DMRTC2: variants seen among roughly 807,000 people sequenced by gnomAD.
DMRTC2 encodes the protein doublesex- and mab-3-related transcription factor C2.
Under a neutral mutation model 39.9 loss-of-function variants are expected in DMRTC2, and 13 were observed. The observed-to-expected ratio is 0.33, with a 90% CI of 0.21 to 0.52. DMRTC2 has a LOEUF of 0.52. Among genes scored for constraint, DMRTC2 ranks in the 20% least tolerant of loss-of-function variants. The pLI is 0.96. For synonymous variants in DMRTC2, 189 were observed against 185.2 expected, an observed-to-expected ratio of 1.02 and a Z score of -0.17; for missense variants, 431 against 472.8, an observed-to-expected ratio of 0.91 and a Z score of 0.82.
chr19:41,852,004 C>T lies in DMRTC2; in HGVS notation c.*308C>T, dbSNP rs782716183. On this transcript the variant is annotated 3_prime_UTR_variant, in exon 9 of 9. Coordinates refer to ENST00000269945, the MANE Select transcript of DMRTC2 (RefSeq NM_001040283.3). Reference sequence around the variant, plus strand: ...ATTTAAGCTGACCAGTATCTATAAACGTGTTTGCATGAGTTTACATCCCAG... The same window carrying T: ...ATTTAAGCTGACCAGTATCTATAAATGTGTTTGCATGAGTTTACATCCCAG... 1.6e-5 allele frequency: 5 copies of T among 303,752 alleles called. No individual in the cohort carries two copies. Among genetic ancestry groups the T allele is most frequent in the Non-Finnish European group, 3.1e-5 (5 of 162,500 alleles). 18.8% of individuals were successfully genotyped at this position (303,752 alleles called of 1,614,324 possible).
Position 41,851,760 on chromosome 19 carries a change from T to G in DMRTC2, c.*64T>G, listed in dbSNP as rs1270598995. The G allele has an allele frequency of 5.1e-6, 7 of 1,385,378 alleles. No homozygotes were observed. Among genetic ancestry groups the G allele is most frequent in the Non-Finnish European group, 6.1e-6 (6 of 978,096 alleles). 85.8% of individuals were successfully genotyped at this position (1,385,378 alleles called of 1,614,324 possible). A position where few individuals can be genotyped will look rare whatever the true frequency, so the allele number is the denominator to read the frequency against. On this transcript the variant is annotated 3_prime_UTR_variant, in exon 9 of 9. Coordinates refer to ENST00000269945, the MANE Select transcript of DMRTC2 (RefSeq NM_001040283.3). ...GTGACAGCCTGCTGGCACTGTATAT[T>G]TAGTGTCTTACTTAAGGATTTATGC...
At position 41,848,978 on chromosome 19, in the gene DMRTC2, A is replaced by G. The variant is rs1283139688; in HGVS notation, c.628+3A>G. On this transcript the variant is annotated splice_donor_region_variant and intron_variant, in intron 5 of 8. Transcript: ENST00000269945. ...TGTCTCTCTGCCTCCCTTCCCTGGT[A>G]AGATGATAATTCAACATTCATTCAA... 6.2e-7 allele frequency: 1 copy of G among 1,614,076 alleles called. No homozygotes were observed. The highest frequency in any genetic ancestry group is 2.2e-5 in the East Asian group (1 of 44,884).
In DMRTC2 at chr19:41,849,181, C is replaced by T. The variant is rs1555836782; in HGVS notation, c.680C>T (p.Thr227Ile). 2 of 1,614,222 alleles carry T rather than the reference C, an allele frequency of 1.2e-6. No individual in the cohort carries two copies. Among genetic ancestry groups the T allele is most frequent in the Non-Finnish European group, 8.5e-7 (1 of 1,180,040 alleles). The change falls in exon 6 of 9, where the codon ACC becomes ATC. Residue 227 changes from threonine (T) to isoleucine (I), a missense_variant. Transcript: ENST00000269945. Reference sequence around the variant, plus strand: ...CTGCCCACTCATGGGCCCTTCACCACCTGCCCAGGATCTCACCCAGTACTG... The same window carrying T: ...CTGCCCACTCATGGGCCCTTCACCATCTGCCCAGGATCTCACCCAGTACTG... ...LQLPTHGPFT[T>I]CPGSHPVLTA...
chr19:41,847,385 G>T, intron 1 of DMRTC2, 40 bp from the exon 2 acceptor site: 2 of 1,512,740 alleles, frequency 1.3e-6, no homozygotes, highest in Middle Eastern at 1.9e-4. Flanking sequence ...GTTAGGGGCA[G>T]GCCCACCTGG....
rs145179597 is a variant in DMRTC2, at chr19:41,848,883, G to A, written c.536G>A (p.Gly179Glu). Reference sequence around the variant, plus strand: ...GTGCCTCCTGGCCCTTGGGTCCCTGGACACTGGCTGCCTCCAGGCTTCTCC... The same window carrying A: ...GTGCCTCCTGGCCCTTGGGTCCCTGAACACTGGCTGCCTCCAGGCTTCTCC... Reference protein sequence around the residue: ...TPVPPGPWVPGHWLPPGFSMP... With the variant: ...TPVPPGPWVPEHWLPPGFSMP... The change falls in exon 5 of 9, where the codon GGA (glycine) becomes GAA (glutamate). Residue 179 changes from glycine (G) to glutamate (E), a missense_variant. Coordinates refer to ENST00000269945, the MANE Select transcript of DMRTC2 (RefSeq NM_001040283.3). 1 of 1,613,236 alleles carries A rather than the reference G, an allele frequency of 6.2e-7. No homozygotes were observed. The highest frequency in any genetic ancestry group is 8.5e-7 in the Non-Finnish European group (1 of 1,180,018).
intron 4 of DMRTC2, 35 bp downstream of exon 4, chr19:41,848,563 C>A: frequency 1.4e-6 from 2 of 1,456,768 alleles, no homozygotes; most frequent in Non-Finnish European, 1.9e-6. Flanking sequence ...AAGTGTCCCC[C>A]ACCCTAGTTC....
chr19:41,850,453 A>G, intron 7 of DMRTC2, 73 bp from the exon 8 acceptor site: 11 of 1,578,152 alleles, frequency 7.0e-6, no homozygotes, highest in Non-Finnish European at 9.5e-6. Context: ...TGAAGGAAGC[A>G]GGGGCTGAGG....
At chr19:41,851,375 C>T in intron 8 of DMRTC2, 1 of 553,864 alleles carries the variant, frequency 1.8e-6, no homozygotes, top group Non-Finnish European at 3.2e-6. Flanking sequence ...AGGACAAATT[C>T]AGAGACCCTG....
chr19:41,850,468 C>G (rs782425098), intron 7 of DMRTC2, 58 bp from the exon 8 acceptor site: 3 of 1,585,712 alleles, frequency 1.9e-6, no homozygotes, highest in Non-Finnish European at 2.6e-6. Flanking sequence ...CTGAGGAACA[C>G]TTAGAGGGTG....
At position 41,847,506 on chromosome 19, in the gene DMRTC2, G is replaced by T. The variant is rs1555836242; in HGVS notation, c.78G>T (p.Gln26His). ...SAPWDETRDPQSTELIPRRAI... is the reference protein window; with the variant it reads ...SAPWDETRDPHSTELIPRRAI... ...CCTGGGATGAGACCAGAGACCCCCA[G>T]AGCACAGAGCTGATCCCCAGGAGAG... is the stretch of plus-strand genomic sequence containing the variant. Residue 26 changes from glutamine (Q) to histidine (H), a missense_variant, in exon 2 of 9, where the codon CAG becomes CAT. Coordinates refer to ENST00000269945, the MANE Select transcript of DMRTC2 (RefSeq NM_001040283.3). 2 of 1,613,910 alleles carry T rather than the reference G, an allele frequency of 1.2e-6. No homozygotes were observed. The highest frequency in any genetic ancestry group is 1.7e-6 in the Non-Finnish European group (2 of 1,179,916).
intron 1 of DMRTC2, among the ~76,000 whole-genome samples, chr19:41,846,799 C>A (rs1403919773): frequency 6.6e-6 from 1 of 151,862 alleles, no homozygotes; most frequent in East Asian, 2.0e-4. Context: ...GATCTCCTGA[C>A]CTTGTGATCC....
intron 3 of DMRTC2, 138 bp downstream of exon 3, chr19:41,848,019 A>G: frequency 1.6e-6 from 2 of 1,266,204 alleles, no homozygotes; most frequent in Non-Finnish European, 2.1e-6. Flanking sequence ...CAGCTGTCCC[A>G]GCGTTGAGAG....
chr19:41,847,290 G>A, intron 1 of DMRTC2, 135 bp from the exon 2 acceptor site: 1 of 1,359,704 alleles, frequency 7.4e-7, no homozygotes, highest in South Asian at 2.1e-5. Context: ...AGGGGAGAAA[G>A]CTGGGAAAGA....
chr19:41,849,585 A>G (rs1365251691), intron 6 of DMRTC2, among the ~76,000 whole-genome samples: 2 of 152,194 alleles, frequency 1.3e-5, no homozygotes, highest in African/African-American at 4.8e-5. Flanking sequence ...TTGATGGGGT[A>G]AGATTGCCTG....
rs868958263 is a variant in DMRTC2 at position 41,851,661 on chromosome 19, A to G, written c.1069A>G (p.Ile357Val). ...CCCAGCCCCCTCTGTTGCTCTGCAT[A>G]TTGGCCGTCTGGGGTCCATCTCCCT... ...PSPAPSVALHIGRLGSISLLS is the reference protein window; with the variant it reads ...PSPAPSVALHVGRLGSISLLS The change falls in exon 9 of 9, where the codon ATT (isoleucine) becomes GTT (valine). Residue 357 changes from isoleucine (I) to valine (V), a missense_variant. By Grantham distance (29) the Ile-to-Val change is conservative (BLOSUM62 3). Coordinates refer to ENST00000269945, the MANE Select transcript of DMRTC2 (RefSeq NM_001040283.3). 1 of 1,614,108 alleles carries G rather than the reference A, an allele frequency of 6.2e-7. No homozygotes were observed. The highest frequency in any genetic ancestry group is 8.5e-7 in the Non-Finnish European group (1 of 1,180,032).
intron 3 of DMRTC2, among the ~76,000 whole-genome samples, 188 bp downstream of exon 3, chr19:41,848,069 C>T (rs1208572344): frequency 6.6e-6 from 1 of 152,192 alleles, no homozygotes; most frequent in South Asian, 2.1e-4. Flanking sequence ...GGCTAGAGGC[C>T]GGGCACAGTG....
At chr19:41,849,608 G>A (rs572357731) in intron 6 of DMRTC2, among the ~76,000 whole-genome samples, 1 of 152,172 alleles carries the variant, frequency 6.6e-6, no homozygotes. Flanking sequence ...GATATGGGGG[G>A]CAGAGATGAT....
chr19:41,849,295 C>A (rs2073919765), intron 6 of DMRTC2, 39 bp downstream of exon 6: 3 of 1,606,576 alleles, frequency 1.9e-6, no homozygotes, highest in Admixed American at 1.7e-5. Context: ...TAAGCCTAAG[C>A]CTGTGCTGTG....
chr19:41,847,220 G>T lies in DMRTC2; in HGVS notation c.-4-205G>T, dbSNP rs550842250. 1.8e-3 allele frequency: 1,436 copies of T among 784,284 alleles called. 2 individuals carry two copies. Among genetic ancestry groups the T allele is most frequent in the Non-Finnish European group, 2.0e-3 (1,313 of 646,638 alleles). The allele number at this position is 784,284 out of a possible 1,614,324, so 48.6% of individuals were successfully genotyped here. A position where few individuals can be genotyped will look rare whatever the true frequency, so the allele number is the denominator to read the frequency against. On this transcript the variant is annotated intron_variant, in intron 1 of 8. Transcript: ENST00000269945. ...AAAAAAAAAAAGAAAGAACACAGAA[G>T]AGGAAGAGGAGAGGGGTTTCTGAAG...
Sources: gnomAD v4.1 joint callset for allele counts (sites outside exome capture counted in the v4.1 genomes callset) on GRCh38, gnomAD v4.1.1 for gene constraint, MANE v1.5 for transcripts, NCBI Gene and HGNC (gene_info 2026-07-23, HGNC 2026-07-21) for gene names.